HSPA12A: variants seen among roughly 807,000 people sequenced by gnomAD.
HSPA12A encodes the protein heat shock protein family A (Hsp70) member 12A.
HSPA12A carries 28 observed loss-of-function variants against 69.2 expected under a neutral mutation model. That is an observed-to-expected ratio of 0.40 (90% confidence interval 0.30 to 0.55). The LOEUF (loss-of-function observed/expected upper bound fraction) is 0.55, where lower values mean the gene tolerates loss of function less well. HSPA12A is among the 20% of genes least tolerant of loss of function. The pLI, the probability that HSPA12A is intolerant of heterozygous loss-of-function variation, is 0.38. For missense variants in HSPA12A, 686 were observed against 900.7 expected (o/e 0.76, Z 3.05); for synonymous variants, 345 against 370.5 (o/e 0.93, Z 0.79).
upstream of HSPA12A, among the ~76,000 whole-genome samples, chr10:116,746,281 G>T (rs1271129028): frequency 6.6e-6 from 1 of 152,112 alleles, no homozygotes; most frequent in African/African-American, 2.4e-5. Context: ...CAGACAGCCA[G>T]GGCACTCTGT....
rs115082124 is a variant in HSPA12A at position 116,730,324 on chromosome 10, C to T, written c.40+12106G>A. On this transcript the variant is annotated intron_variant, in intron 1 of 11. Coordinates refer to ENST00000369209, the MANE Select transcript of HSPA12A (RefSeq NM_025015.3). ...GACCCATACTTTTGAGATAAGGTCA[C>T]GGGGATCTAGAGAGGTTGAATACCT... 6.9e-3 allele frequency among the ~76,000 whole-genome samples: 1,044 copies of T among 152,262 alleles called. 15 individuals carry two copies. The highest frequency in any genetic ancestry group is 0.023 in the African/African-American group (943 of 41,554).
chr10:116,713,244 G>T (rs1589653032), intron 1 of HSPA12A, among the ~76,000 whole-genome samples: 1 of 151,840 alleles, frequency 6.6e-6, no homozygotes, highest in Non-Finnish European at 1.5e-5. Flanking sequence ...TTCATGGCTA[G>T]CTGAACTAAT....
chr10:116,677,984 CT>C (rs5788184), intron 10 of HSPA12A, among the ~76,000 whole-genome samples: 92,186 of 148,268 alleles, frequency 0.62, 29,350 homozygotes, highest in South Asian at 0.81. Flanking sequence ...GAAATTGATT[CT>C]TTTTTTTTTT....
At chr10:116,758,929 T>C (rs1843912215) in intron 2 of HSPA12A, among the ~76,000 whole-genome samples, 1 of 152,128 alleles carries the variant, frequency 6.6e-6, no homozygotes, top group South Asian at 2.1e-4. Context: ...AACAGAATCC[T>C]GGAAGTTCAA....
At chr10:116,698,803 G>C in intron 4 of HSPA12A, 64 bp from the exon 5 acceptor site, 2 of 1,317,942 alleles carry the variant, frequency 1.5e-6, no homozygotes, top group Non-Finnish European at 2.2e-6. Context: ...TCCTGGCTTT[G>C]GGGACTGCTC....
intron 5 of HSPA12A, chr10:116,698,414 T>C (rs1849978560): frequency 2.4e-6 from 1 of 423,116 alleles, no homozygotes; most frequent in Non-Finnish European, 4.2e-6. Context: ...TGCTTTACTT[T>C]TTTAGGAATT....
At chr10:116,721,936 C>A (rs945656387) in intron 1 of HSPA12A, among the ~76,000 whole-genome samples, 4 of 152,204 alleles carry the variant, frequency 2.6e-5, no homozygotes, top group Admixed American at 1.3e-4. Context: ...CCCGACACAT[C>A]AGTCTCTGCA....
chr10:116,765,694 C>G (rs1209763778), intron 2 of HSPA12A, among the ~76,000 whole-genome samples: 24 of 152,016 alleles, frequency 1.6e-4, no homozygotes, highest in Admixed American at 1.4e-3. Flanking sequence ...ACGTGTGGGG[C>G]AGGACACACC....
At chr10:116,764,289 C>T (rs895289066) in intron 2 of HSPA12A, among the ~76,000 whole-genome samples, 23 of 152,260 alleles carry the variant, frequency 1.5e-4, no homozygotes, top group Admixed American at 3.9e-4. Flanking sequence ...AGGTTATTAT[C>T]GTAGGCTGAA....
At chr10:116,803,243 G>T (rs1844997209) in intron 2 of HSPA12A, among the ~76,000 whole-genome samples, 1 of 152,236 alleles carries the variant, frequency 6.6e-6, no homozygotes, top group Non-Finnish European at 1.5e-5. Context: ...GAGAGAATTC[G>T]GGAAGATGCC....
At chr10:116,687,921 GC>G (rs1210719939) in intron 6 of HSPA12A, among the ~76,000 whole-genome samples, 1 of 152,148 alleles carries the variant, frequency 6.6e-6, no homozygotes, top group East Asian at 1.9e-4. Flanking sequence ...CCACATTGTG[GC>G]CCAGGACGAC....
chr10:116,725,833 C>T (rs1388197865), intron 1 of HSPA12A, among the ~76,000 whole-genome samples: 1 of 152,014 alleles, frequency 6.6e-6, no homozygotes, highest in African/African-American at 2.4e-5. Context: ...TTCCCTCCCC[C>T]AACCCCTGCC....
intron 2 of HSPA12A, among the ~76,000 whole-genome samples, chr10:116,756,444 A>G (rs1843852674): frequency 6.6e-6 from 1 of 152,240 alleles, no homozygotes; most frequent in South Asian, 2.1e-4. Flanking sequence ...TCACATTTGG[A>G]CAGGAAATGT....
chr10:116,794,074 G>A (rs1264797928), intron 2 of HSPA12A, among the ~76,000 whole-genome samples: 1 of 151,770 alleles, frequency 6.6e-6, no homozygotes, highest in East Asian at 1.9e-4. Context: ...GTGGTGGTGG[G>A]CGCCTGTAGT....
chr10:116,827,728 G>A (rs763495199), intron 2 of HSPA12A, among the ~76,000 whole-genome samples: 4 of 152,230 alleles, frequency 2.6e-5, no homozygotes, highest in Non-Finnish European at 5.9e-5. Context: ...GCTCCGAACT[G>A]CCCCTCTTCT....
intron 3 of HSPA12A, among the ~76,000 whole-genome samples, chr10:116,702,368 C>T (rs1227776119): frequency 6.6e-6 from 1 of 152,172 alleles, no homozygotes; most frequent in East Asian, 1.9e-4. Context: ...GAGCCACTTT[C>T]CTCACCCACT....
At chr10:116,708,956 G>A (rs1850341857) in intron 1 of HSPA12A, among the ~76,000 whole-genome samples, 2 of 152,154 alleles carry the variant, frequency 1.3e-5, no homozygotes, top group Admixed American at 6.5e-5. Flanking sequence ...TATAAAACGG[G>A]ACAACTGCTG....
chr10:116,762,075 A>G (rs781785412), intron 2 of HSPA12A, among the ~76,000 whole-genome samples: 5 of 152,212 alleles, frequency 3.3e-5, no homozygotes, highest in Non-Finnish European at 5.9e-5. Context: ...TTCCTTTCAC[A>G]TGCTAGGCAC....
intron 2 of HSPA12A, among the ~76,000 whole-genome samples, chr10:116,754,254 G>A: frequency 6.6e-6 from 1 of 152,130 alleles, no homozygotes; most frequent in East Asian, 1.9e-4. Flanking sequence ...ACACTGTCTT[G>A]ACCCATCCCC....
Sources: allele counts gnomAD v4.1 joint callset (sites outside exome capture counted in the v4.1 genomes callset), GRCh38; gene constraint gnomAD v4.1.1; transcripts MANE v1.5; gene names NCBI Gene and HGNC (gene_info 2026-07-23, HGNC 2026-07-21).